FGF14: variants seen among roughly 807,000 people sequenced by gnomAD.
FGF14 encodes the protein fibroblast growth factor homologous factor 4.
FGF14 carries 5 observed loss-of-function variants against 25.5 expected under a neutral mutation model. The ratio of observed to expected loss-of-function variants is 0.20; its 90% CI spans 0.10 to 0.41. FGF14 has a LOEUF of 0.41. FGF14 is among the 10% of genes least tolerant of loss of function. The probability of loss-of-function intolerance (pLI) is 1.00; values close to 1 mark genes in which losing one functional copy is unlikely to be tolerated. For missense variants in FGF14, 222 were observed against 320.1 expected, an observed-to-expected ratio of 0.69 and a Z score of 2.34; for synonymous variants, 138 against 118.3, an observed-to-expected ratio of 1.17 and a Z score of -1.08.
intron 1 of FGF14, among the ~76,000 whole-genome samples, chr13:102,069,635 C>T (rs936782337): frequency 2.0e-5 from 3 of 151,934 alleles, no homozygotes; most frequent in Non-Finnish European, 4.4e-5. Context: ...AGAGCTGTAA[C>T]ACTGACCACA....
At chr13:102,079,428 T>G (rs2043513347) in intron 1 of FGF14, among the ~76,000 whole-genome samples, 1 of 152,132 alleles carries the variant, frequency 6.6e-6, no homozygotes, top group Non-Finnish European at 1.5e-5. Context: ...AATAAATATG[T>G]ATTTATTTAC....
chr13:101,775,152 T>C (rs1594203712), intron 3 of FGF14, among the ~76,000 whole-genome samples: 2 of 152,134 alleles, frequency 1.3e-5, no homozygotes, highest in East Asian at 1.9e-4. Flanking sequence ...ACAGTTTATA[T>C]ATTAATCACA....
chr13:101,842,761 T>C (rs2043252509), intron 3 of FGF14, among the ~76,000 whole-genome samples: 1 of 152,012 alleles, frequency 6.6e-6, no homozygotes, highest in South Asian at 2.1e-4. Context: ...GGTTTTAGTC[T>C]TTTGCCTGAA....
chr13:101,944,657 GGATA>G (rs776201488), intron 1 of FGF14, among the ~76,000 whole-genome samples: 2 of 152,068 alleles, frequency 1.3e-5, no homozygotes, highest in Non-Finnish European at 2.9e-5. Flanking sequence ...AAAGATGAAT[GGATA>G]AACAAAATGT....
chr13:102,310,702 G>T lies in FGF14; in HGVS notation c.208+90769C>A, dbSNP rs1232567576. Among the ~76,000 whole-genome samples the T allele has an allele frequency of 3.1e-3, 193 of 61,402 alleles. 20 individuals are homozygous for T. Among genetic ancestry groups the T allele is most frequent in the African/African-American group, 0.012 (181 of 15,030 alleles). 40.3% of individuals were successfully genotyped at this position (61,402 alleles called of 152,430 possible). ...CTCTCTCTCTGTGTGTGTGTGGGGG[G>T]GGGGGGGTGGGGGTTGTTTAACTGC... is the stretch of plus-strand genomic sequence containing the variant. On this transcript the variant is annotated intron_variant, in intron 1 of 4. Transcript: ENST00000376131.
At chr13:101,974,522 A>G (rs1398583235) in intron 1 of FGF14, among the ~76,000 whole-genome samples, 1 of 152,188 alleles carries the variant, frequency 6.6e-6, no homozygotes, top group Non-Finnish European at 1.5e-5. Context: ...GCAACATAAT[A>G]ATATTTTAAA....
At chr13:102,207,279 C>T (rs562562949) in intron 1 of FGF14, among the ~76,000 whole-genome samples, 3 of 150,296 alleles carry the variant, frequency 2.0e-5, no homozygotes, top group African/African-American at 4.9e-5. Flanking sequence ...GACTCCATCT[C>T]GAAAAAATAA....
intron 1 of FGF14, among the ~76,000 whole-genome samples, chr13:102,275,262 T>TTCTCTCTCTCTCTCTCTCTCTCTC (rs56028235): frequency 3.0e-4 from 21 of 68,984 alleles, no homozygotes; most frequent in African/African-American, 9.6e-4. Context: ...CTCTCTCTCT[T>TTCTCTCTCTCTCTCTCTCTCTCTC]TCTCTCTCTC....
At chr13:102,039,551 G>A (rs1436089669) in intron 1 of FGF14, among the ~76,000 whole-genome samples, 1 of 152,064 alleles carries the variant, frequency 6.6e-6, no homozygotes, top group African/African-American at 2.4e-5. Flanking sequence ...TGGCTCCTGC[G>A]GTGCTGACTC....
chr13:102,294,932 T>C (rs893767254), intron 1 of FGF14, among the ~76,000 whole-genome samples: 3 of 152,196 alleles, frequency 2.0e-5, no homozygotes, highest in Admixed American at 6.5e-5. Flanking sequence ...GAGTAAGCTC[T>C]GTGTTAATGT....
At chr13:102,255,616 A>G (rs978920690) in intron 1 of FGF14, among the ~76,000 whole-genome samples, 6 of 152,238 alleles carry the variant, frequency 3.9e-5, no homozygotes, top group African/African-American at 1.2e-4. Context: ...AGGCAAGATT[A>G]CAAAGTAATG....
intron 1 of FGF14, among the ~76,000 whole-genome samples, chr13:101,879,322 G>T (rs890652500): frequency 3.9e-5 from 6 of 152,158 alleles, no homozygotes; most frequent in African/African-American, 1.4e-4. Context: ...TATTAAAATA[G>T]AAATAATGAA....
intron 1 of FGF14, among the ~76,000 whole-genome samples, chr13:101,894,823 G>C (rs536285102): frequency 2.2e-4 from 33 of 152,218 alleles, no homozygotes; most frequent in Middle Eastern, 3.4e-3. Context: ...CAAAGATATT[G>C]TTGCTCTTTA....
chr13:102,283,410 T>G (rs545843184), intron 1 of FGF14, among the ~76,000 whole-genome samples: 1 of 152,308 alleles, frequency 6.6e-6, no homozygotes, highest in South Asian at 2.1e-4. Flanking sequence ...CAGAACCCCT[T>G]CTGGTACATG....
intron 3 of FGF14, among the ~76,000 whole-genome samples, chr13:101,736,385 A>G (rs1424432378): frequency 6.6e-6 from 1 of 152,242 alleles, no homozygotes. Context: ...AAGCAAGTAC[A>G]GAAATTATGT....
intron 3 of FGF14, among the ~76,000 whole-genome samples, chr13:101,856,758 C>T (rs1412834926): frequency 6.6e-6 from 1 of 151,952 alleles, no homozygotes; most frequent in Non-Finnish European, 1.5e-5. Flanking sequence ...AATATATCAT[C>T]ATGTTACAAT....
rs558172641 is a variant in FGF14, at chr13:102,005,226, T to C, written c.209-129930A>G. On this transcript the variant is annotated intron_variant, in intron 1 of 4. Transcript: ENST00000376131. Reference sequence around the variant, plus strand: ...CACAGAAAGGACTCCTTTTTAGTTATCATATCCATTCAGTGATGCTGTTAT... The same window carrying C: ...CACAGAAAGGACTCCTTTTTAGTTACCATATCCATTCAGTGATGCTGTTAT... 3.3e-5 allele frequency among the ~76,000 whole-genome samples: 5 copies of C among 152,348 alleles called. 1 individual carries two copies. In the South Asian group the frequency reaches 1.0e-3, roughly 32 times the overall value.
At chr13:102,068,778 G>C (rs538756034) in intron 1 of FGF14, among the ~76,000 whole-genome samples, 6 of 152,170 alleles carry the variant, frequency 3.9e-5, no homozygotes, top group Non-Finnish European at 8.8e-5. Context: ...GCTCCTGTGC[G>C]GCCCGAGCCT....
chr13:101,952,079 T>C (rs61965226), intron 1 of FGF14, among the ~76,000 whole-genome samples: 4,529 of 152,332 alleles, frequency 0.03, 99 homozygotes, highest in Middle Eastern at 0.048. Flanking sequence ...CCTACTATTT[T>C]AAATGCTGGA....
Sources: gnomAD v4.1 joint callset for allele counts (sites outside exome capture counted in the v4.1 genomes callset) on GRCh38, gnomAD v4.1.1 for gene constraint, MANE v1.5 for transcripts, NCBI Gene and HGNC (gene_info 2026-07-23, HGNC 2026-07-21) for gene names.